Variants in TMEM238L observed in about 807,000 individuals in gnomAD.
TMEM238L encodes the protein transmembrane protein 238-like.
chr17:10,804,026 C>T (rs766332554), exon 1 of TMEM238L: 11 of 401,356 alleles, frequency 2.7e-5, no homozygotes, highest in East Asian at 1.1e-4. Flanking sequence ...GGGAGGGTGG[C>T]GGTCCTGCCT....
chr17:10,799,993 G>A (rs963638102), intron 1 of TMEM238L, among the ~76,000 whole-genome samples: 7 of 151,214 alleles, frequency 4.6e-5, no homozygotes, highest in South Asian at 2.1e-4. Context: ...GTGCAGTGGC[G>A]TGATCTCGGC....
At chr17:10,800,468 G>A (rs1171341711) in intron 1 of TMEM238L, among the ~76,000 whole-genome samples, 7 of 152,166 alleles carry the variant, frequency 4.6e-5, no homozygotes, top group Admixed American at 4.6e-4. Context: ...CAAAACTCTA[G>A]CATTCTGGAG....
chr17:10,798,630 G>C (rs1213506624), intron 1 of TMEM238L, among the ~76,000 whole-genome samples: 1 of 151,900 alleles, frequency 6.6e-6, no homozygotes, highest in Non-Finnish European at 1.5e-5. Flanking sequence ...TGTGTTTCTG[G>C]GTGTGTGTTT....
exon 1 of TMEM238L, chr17:10,803,879 C>T (rs1029415607): frequency 5.0e-6 from 2 of 399,752 alleles, no homozygotes; most frequent in Non-Finnish European, 8.8e-6. Flanking sequence ...AGGACCAGGC[C>T]GACCGCGTCC....
At chr17:10,804,080 C>T in exon 1 of TMEM238L, 1 of 399,790 alleles carries the variant, frequency 2.5e-6, no homozygotes, top group South Asian at 1.4e-4. Flanking sequence ...AATGAGCGAG[C>T]TGGCGCTTCT....
chr17:10,796,628 G>T (rs1385135736), intron 1 of TMEM238L, among the ~76,000 whole-genome samples: 1 of 152,220 alleles, frequency 6.6e-6, no homozygotes, highest in African/African-American at 2.4e-5. Context: ...CTGCCTAACT[G>T]CCTTTCCTTA....
intron 1 of TMEM238L, among the ~76,000 whole-genome samples, chr17:10,797,391 C>T (rs1488407354): frequency 1.6e-5 from 1 of 61,580 alleles, no homozygotes; most frequent in Non-Finnish European, 2.8e-5. Flanking sequence ...TTCCCTCCCT[C>T]CCTCCCTCCC....
At chr17:10,804,067 G>A in exon 1 of TMEM238L, 1 of 401,352 alleles carries the variant, frequency 2.5e-6, no homozygotes, top group South Asian at 1.4e-4. Context: ...CTGGGTGTGA[G>A]CAAATGAGCG....
intron 1 of TMEM238L, among the ~76,000 whole-genome samples, chr17:10,803,154 C>T (rs994136422): frequency 4.6e-5 from 7 of 152,048 alleles, no homozygotes; most frequent in Non-Finnish European, 7.4e-5. Context: ...TTGCTTTTAC[C>T]GTGGCCCAGT....
At chr17:10,801,002 A>G (rs1904724300) in intron 1 of TMEM238L, among the ~76,000 whole-genome samples, 1 of 151,056 alleles carries the variant, frequency 6.6e-6, no homozygotes, top group Non-Finnish European at 1.5e-5. Context: ...AGGTCCAATT[A>G]TGTTAAGCCC....
At chr17:10,803,539 CT>C (rs1287884333) in intron 1 of TMEM238L, 66 bp downstream of exon 1, 2 of 390,808 alleles carry the variant, frequency 5.1e-6, no homozygotes, top group Non-Finnish European at 9.0e-6. Flanking sequence ...CTCAGGAGGC[CT>C]GGTCTTGCCC....
At chr17:10,797,747 G>A (rs1459943749) in intron 1 of TMEM238L, 1 of 152,070 alleles carries the variant, frequency 6.6e-6, no homozygotes, top group East Asian at 1.9e-4. Flanking sequence ...CACTCATGCA[G>A]TCTCTGCTCT....
At chr17:10,796,630 C>A (rs889443032) in intron 1 of TMEM238L, among the ~76,000 whole-genome samples, 2 of 152,246 alleles carry the variant, frequency 1.3e-5, no homozygotes, top group Non-Finnish European at 2.9e-5. Flanking sequence ...GCCTAACTGC[C>A]TTTCCTTAGG....
chr17:10,799,028 C>T (rs532690330), intron 1 of TMEM238L, among the ~76,000 whole-genome samples: 1 of 150,476 alleles, frequency 6.6e-6, no homozygotes, highest in African/African-American at 2.4e-5. Flanking sequence ...CTGAAACTTC[C>T]TGGGGGTGCC....
intron 1 of TMEM238L, among the ~76,000 whole-genome samples, chr17:10,798,999 T>C (rs1904647463): frequency 6.6e-6 from 1 of 152,104 alleles, no homozygotes; most frequent in Admixed American, 6.5e-5. Context: ...AGTTGATCTA[T>C]AAAAATCAGC....
chr17:10,797,349 T>TC (rs1904585842), intron 1 of TMEM238L, among the ~76,000 whole-genome samples: 1 of 145,414 alleles, frequency 6.9e-6, no homozygotes, highest in South Asian at 2.5e-4. Flanking sequence ...CCTTTCTTCC[T>TC]CCCCCCTTTC....
chr17:10,801,274 G>A (rs951897217), intron 1 of TMEM238L, among the ~76,000 whole-genome samples: 3 of 152,046 alleles, frequency 2.0e-5, no homozygotes, highest in African/African-American at 7.2e-5. Context: ...TCCTGACCTC[G>A]TGATCTGCCC....
intron 1 of TMEM238L, among the ~76,000 whole-genome samples, chr17:10,802,873 C>A (rs936495410): frequency 2.0e-5 from 3 of 152,172 alleles, no homozygotes; most frequent in Non-Finnish European, 4.4e-5. Flanking sequence ...TTTGGTTGCA[C>A]GCGATAGACT....
At position 10,800,083 on chromosome 17, in the gene TMEM238L, C is replaced by T. The variant is rs149525604; in HGVS notation, c.*118+3523G>A. 9.3e-3 allele frequency among the ~76,000 whole-genome samples: 1,421 copies of T among 152,280 alleles called. 11 individuals carry two copies. The highest frequency in any genetic ancestry group is 0.052 in the South Asian group (252 of 4,824). The stretch of plus-strand genomic sequence containing the variant: ...AGTAGCTGGGACTACAGGCACCCGC[C>T]ACCATGCCCGGCTAATTTTTGTGTA... On this transcript the variant is annotated intron_variant, in intron 1 of 1. Coordinates refer to ENST00000581851, the Ensembl canonical transcript of TMEM238L.
Sources: allele counts gnomAD v4.1 joint callset (sites outside exome capture counted in the v4.1 genomes callset), GRCh38; gene constraint gnomAD v4.1.1; transcripts MANE v1.5; gene names NCBI Gene and HGNC (gene_info 2026-07-23, HGNC 2026-07-21).